Variants in CWC27 observed in about 807,000 individuals in gnomAD.
CWC27 encodes spliceosome-associated protein CWC27 homolog.
A neutral mutation model predicts 63.6 loss-of-function variants in CWC27; 47 were observed. That is an observed-to-expected ratio of 0.74 (90% CI 0.58 to 0.94). CWC27 has a LOEUF of 0.94. Ranked by LOEUF, CWC27 falls within the 40% of genes least tolerant of loss-of-function variation. The probability of loss-of-function intolerance (pLI) is 0.00; values close to 1 mark genes in which losing one functional copy is unlikely to be tolerated. For synonymous variants in CWC27, 175 were observed against 179.8 expected (o/e 0.97, Z 0.22); for missense variants, 495 against 554.3 (o/e 0.89, Z 1.07).
chr5:64,843,134 G>T (rs1745887808), intron 10 of CWC27, among the ~76,000 whole-genome samples: 1 of 152,202 alleles, frequency 6.6e-6, no homozygotes, highest in Non-Finnish European at 1.5e-5. Context: ...TCCACTGGTT[G>T]TCAGTTGTAT....
chr5:64,788,919 CTTT>C, intron 6 of CWC27, 29 bp from the exon 7 acceptor site: 1 of 1,240,794 alleles, frequency 8.1e-7, no homozygotes, highest in Non-Finnish European at 1.1e-6. Context: ...CTTTCTCTTT[CTTT>C]TTTTTTTTCT....
intron 10 of CWC27, among the ~76,000 whole-genome samples, chr5:64,873,943 A>T (rs545780025): frequency 6.6e-6 from 1 of 151,942 alleles, no homozygotes; most frequent in South Asian, 2.1e-4. Context: ...GTCCCAGTGT[A>T]TGTTCTTGGT....
intron 7 of CWC27, among the ~76,000 whole-genome samples, chr5:64,799,458 T>C (rs9763311): frequency 0.37 from 55,846 of 150,634 alleles, 11,079 homozygotes; most frequent in East Asian, 0.5. Flanking sequence ...TGGTGGCGCA[T>C]ACCTGTAATC....
At chr5:64,825,953 G>A (rs1416664923) in intron 10 of CWC27, among the ~76,000 whole-genome samples, 1 of 152,212 alleles carries the variant, frequency 6.6e-6, no homozygotes, top group African/African-American at 2.4e-5. Flanking sequence ...TTTCGTCTGT[G>A]AATAGTAGCT....
At chr5:64,814,004 A>C (rs1343729544) in intron 10 of CWC27, among the ~76,000 whole-genome samples, 2 of 152,018 alleles carry the variant, frequency 1.3e-5, no homozygotes, top group Non-Finnish European at 2.9e-5. Context: ...CATGCAGTCC[A>C]GGATGGCTTT....
intron 10 of CWC27, among the ~76,000 whole-genome samples, chr5:64,813,796 A>G (rs568405810): frequency 6.6e-6 from 1 of 152,200 alleles, no homozygotes; most frequent in Non-Finnish European, 1.5e-5. Context: ...ATTAAATTGG[A>G]AAGTATAGTT....
At chr5:64,987,408 A>G (rs1446274988) in intron 13 of CWC27, among the ~76,000 whole-genome samples, 1 of 152,198 alleles carries the variant, frequency 6.6e-6, no homozygotes, top group Admixed American at 6.5e-5. Flanking sequence ...TTACATCTAC[A>G]TATATTGAGA....
At position 64,915,362 on chromosome 5, in the gene CWC27, CTT is replaced by C. The variant is rs369577787; in HGVS notation, c.1042+29819_1042+29820del. On this transcript the variant is annotated intron_variant, in intron 11 of 13. Coordinates refer to ENST00000381070, the MANE Select transcript of CWC27 (RefSeq NM_005869.4). The stretch of plus-strand genomic sequence containing the variant: ...ATCCCGTAGGGAAAGATAATGGTTA[CTT>C]TTATAGGGAAGAGAGAGGTTAACAA... 2.2e-4 allele frequency among the ~76,000 whole-genome samples: 34 copies of C among 152,154 alleles called. No homozygotes were observed. In the East Asian group the frequency reaches 6.6e-3, roughly 29 times the overall value.
At chr5:65,013,570 C>T (rs908173969) in intron 13 of CWC27, among the ~76,000 whole-genome samples, 1 of 152,102 alleles carries the variant, frequency 6.6e-6, no homozygotes, top group African/African-American at 2.4e-5. Flanking sequence ...ATAGGAAGCA[C>T]CAGTTGTTGG....
chr5:64,888,401 ATAT>A (rs1013623435), intron 11 of CWC27, among the ~76,000 whole-genome samples: 1 of 142,706 alleles, frequency 7.0e-6, no homozygotes, highest in African/African-American at 2.6e-5. Flanking sequence ...TAAATAACAT[ATAT>A]TATTTATTAT....
At chr5:64,861,136 T>C (rs566763592) in intron 10 of CWC27, among the ~76,000 whole-genome samples, 2 of 152,308 alleles carry the variant, frequency 1.3e-5, no homozygotes, top group African/African-American at 4.8e-5. Flanking sequence ...GTTCTCCATG[T>C]GTGGCTTTTC....
At chr5:64,977,039 C>A in intron 12 of CWC27, 96 bp from the exon 13 acceptor site, 1 of 637,518 alleles carries the variant, frequency 1.6e-6, no homozygotes, top group South Asian at 3.4e-5. Context: ...GTTTTACATC[C>A]AAGTAGGATA....
intron 11 of CWC27, among the ~76,000 whole-genome samples, chr5:64,910,552 C>A (rs1489731768): frequency 6.6e-6 from 1 of 152,242 alleles, no homozygotes; most frequent in Admixed American, 6.5e-5. Flanking sequence ...GCCCTGCCCC[C>A]AGAGGTGGAG....
chr5:64,893,455 A>T (rs924423841), intron 11 of CWC27, among the ~76,000 whole-genome samples: 1 of 152,220 alleles, frequency 6.6e-6, no homozygotes, highest in African/African-American at 2.4e-5. Context: ...TATCAGGTTG[A>T]TTTTTAAAAA....
In CWC27 at chr5:65,018,510, G is replaced by A. The variant is rs905886077; in HGVS notation, c.*189G>A. On this transcript the variant is annotated 3_prime_UTR_variant, in exon 14 of 14. Transcript: ENST00000381070. Reference sequence around the variant, plus strand: ...TGTAAGCAAATGCTTTTGGTTACTGGTACATGTGTTTTTTCCTAGCTGACC... The same window carrying A: ...TGTAAGCAAATGCTTTTGGTTACTGATACATGTGTTTTTTCCTAGCTGACC... 90 of 453,192 alleles carry A rather than the reference G, an allele frequency of 2.0e-4. 1 individual carries two copies. Among genetic ancestry groups the A allele is most frequent in the Non-Finnish European group, 3.0e-5 (8 of 263,326 alleles). 28.1% of individuals were successfully genotyped at this position (453,192 alleles called of 1,614,324 possible). A position where few individuals can be genotyped will look rare whatever the true frequency, so the allele number is the denominator to read the frequency against.
chr5:64,977,975 C>T (rs1019709600), intron 13 of CWC27, among the ~76,000 whole-genome samples: 2 of 152,182 alleles, frequency 1.3e-5, no homozygotes, highest in African/African-American at 4.8e-5. Flanking sequence ...TGTATCACCC[C>T]CTACACATGA....
intron 11 of CWC27, among the ~76,000 whole-genome samples, 193 bp downstream of exon 11, chr5:64,885,739 T>TGTGTGTGTGTG (rs1427858737): frequency 7.7e-3 from 186 of 24,306 alleles, no homozygotes; most frequent in African/African-American, 0.014. Flanking sequence ...GTGTGTGTGT[T>TGTGTGTGTGTG]TTTAATACTT....
chr5:64,931,842 T>C (rs776736614), intron 11 of CWC27, among the ~76,000 whole-genome samples: 6 of 152,132 alleles, frequency 3.9e-5, no homozygotes, highest in Non-Finnish European at 5.9e-5. Flanking sequence ...AATGTTTTTA[T>C]GTGTAGTACA....
intron 10 of CWC27, among the ~76,000 whole-genome samples, chr5:64,813,082 A>G (rs548426614): frequency 6.6e-6 from 1 of 152,278 alleles, no homozygotes; most frequent in South Asian, 2.1e-4. Flanking sequence ...CTTTAACATT[A>G]TATTCAATTA....
Sources: gnomAD v4.1 joint callset for allele counts (sites outside exome capture counted in the v4.1 genomes callset) on GRCh38, gnomAD v4.1.1 for gene constraint, MANE v1.5 for transcripts, NCBI Gene and HGNC (gene_info 2026-07-23, HGNC 2026-07-21) for gene names.